Variants in CCDC175 observed in about 807,000 individuals in gnomAD.
CCDC175 encodes the protein coiled-coil domain containing 175.
CCDC175 carries 100 observed loss-of-function variants against 114.6 expected under a neutral mutation model. The ratio of observed to expected loss-of-function variants is 0.87; its 90% CI spans 0.74 to 1.03. The LOEUF is 1.03. Ranked by LOEUF, CCDC175 falls within the 50% of genes least tolerant of loss-of-function variation. The pLI is 0.00. For missense variants in CCDC175, 880 were observed against 917.8 expected, an observed-to-expected ratio of 0.96 and a Z score of 0.53; for synonymous variants, 306 against 308.7, an observed-to-expected ratio of 0.99 and a Z score of 0.09.
chr14:59,565,045 AC>A lies in CCDC175; in HGVS notation c.720+1del. On this transcript the variant is annotated splice_donor_variant, in intron 5 of 19. Coordinates refer to ENST00000537690, the MANE Select transcript of CCDC175 (RefSeq NM_001164399.2). LOFTEE classifies it high-confidence loss of function. ...TTTTAAAGAATAAATCATGCCACTT[AC>A]CTGTGCAGTCAACTCTTGTTTTCTT... is the stretch of plus-strand genomic sequence containing the variant. 1.3e-6 allele frequency: 2 copies of A among 1,502,342 alleles called. No individual in the cohort carries two copies. Among genetic ancestry groups the A allele is most frequent in the Non-Finnish European group, 1.8e-6 (2 of 1,117,812 alleles). 93.1% of individuals were successfully genotyped at this position (1,502,342 alleles called of 1,614,324 possible).
chr14:59,517,852 C>T (rs112827366), intron 17 of CCDC175, among the ~76,000 whole-genome samples: 39 of 152,028 alleles, frequency 2.6e-4, no homozygotes, highest in South Asian at 1.9e-3. Context: ...AAAAAGAGCC[C>T]GCATCGCCAA....
intron 6 of CCDC175, 37 bp downstream of exon 6, chr14:59,563,700 T>A: frequency 8.0e-7 from 1 of 1,253,922 alleles, no homozygotes; most frequent in Non-Finnish European, 1.0e-6. Flanking sequence ...GGTGCCTAGA[T>A]AAGGCTTAAA....
intron 17 of CCDC175, among the ~76,000 whole-genome samples, chr14:59,521,358 A>G (rs1466001750): frequency 6.6e-6 from 1 of 152,180 alleles, no homozygotes; most frequent in African/African-American, 2.4e-5. Flanking sequence ...TGAAGGCTGC[A>G]CTGTTGGCTT....
At chr14:59,560,913 A>C (rs916098383) in intron 7 of CCDC175, among the ~76,000 whole-genome samples, 2 of 152,130 alleles carry the variant, frequency 1.3e-5, no homozygotes, top group Non-Finnish European at 2.9e-5. Flanking sequence ...CAGCATCTTT[A>C]ATTTTTTCTC....
intron 7 of CCDC175, among the ~76,000 whole-genome samples, chr14:59,553,375 G>A (rs954602125): frequency 4.3e-4 from 65 of 152,294 alleles, no homozygotes; most frequent in Admixed American, 2.6e-3. Context: ...AGCTTCATAA[G>A]TGAAGGAGAA....
rs537440636 is a variant in CCDC175 at position 59,532,742 on chromosome 14, C to T, written c.1624-832G>A. Among the ~76,000 whole-genome samples the T allele has an allele frequency of 4.6e-5, 7 of 152,278 alleles. No individual in the cohort carries two copies. In the South Asian group the frequency reaches 6.2e-4, roughly 14 times the overall value. On this transcript the variant is annotated intron_variant, in intron 13 of 19. Transcript: ENST00000537690. ...AATGAGAATGGAAGCTACTCCTTGA[C>T]GCACAGATGTTAGGCTCATGCTGAG...
At chr14:59,550,276 C>A (rs1895387656) in intron 8 of CCDC175, among the ~76,000 whole-genome samples, 1 of 152,032 alleles carries the variant, frequency 6.6e-6, no homozygotes, top group African/African-American at 2.4e-5. Flanking sequence ...CTTATTTAAC[C>A]AAGGCCTTTT....
intron 11 of CCDC175, among the ~76,000 whole-genome samples, chr14:59,539,905 C>CAAAT (rs1175726865): frequency 1.3e-5 from 2 of 151,760 alleles, no homozygotes; most frequent in Non-Finnish European, 2.9e-5. Flanking sequence ...GTCTCAAAAA[C>CAAAT]AAACAAACAA....
At chr14:59,537,235 G>C (rs774919055) in intron 13 of CCDC175, among the ~76,000 whole-genome samples, 1 of 152,124 alleles carries the variant, frequency 6.6e-6, no homozygotes, top group African/African-American at 2.4e-5. Flanking sequence ...TTAATAGAAA[G>C]AACTGGCTGT....
In CCDC175 at chr14:59,538,117, G is replaced by A. The variant is rs761419127; in HGVS notation, c.1529C>T (p.Ala510Val). The A allele has an allele frequency of 6.5e-6, 10 of 1,533,852 alleles. No individual in the cohort carries two copies. The South Asian group carries it at 1.2e-4, about 18-fold the overall frequency. The change falls in exon 13 of 20, where the codon GCA (alanine) becomes GTA (valine). Residue 510 changes from alanine (A) to valine (V), a missense_variant. Coordinates refer to ENST00000537690, the MANE Select transcript of CCDC175 (RefSeq NM_001164399.2). ...FRQQEISGFV[A>V]QIEKLTTELK... ...TTCTGTTGTAAGTTTTTCAATCTGT[G>A]CCACAAATCCACTGATCTCCTGTTG...
intron 13 of CCDC175, among the ~76,000 whole-genome samples, chr14:59,532,623 T>C (rs754508572): frequency 1.3e-5 from 2 of 152,202 alleles, no homozygotes; most frequent in Non-Finnish European, 2.9e-5. Flanking sequence ...AGTTTGTGCA[T>C]GGAAGTCATG....
chr14:59,539,520 C>A (rs1357489086), intron 11 of CCDC175, among the ~76,000 whole-genome samples: 2 of 151,800 alleles, frequency 1.3e-5, no homozygotes, highest in South Asian at 2.1e-4. Flanking sequence ...GTGGGGGTTG[C>A]GGTGAGCTGA....
chr14:59,543,062 A>G (rs992840037), intron 10 of CCDC175, among the ~76,000 whole-genome samples: 8 of 152,156 alleles, frequency 5.3e-5, no homozygotes, highest in Non-Finnish European at 1.2e-4. Context: ...AATGAACATC[A>G]ATGGGACTCA....
At chr14:59,537,613 C>A (rs1390511617) in intron 13 of CCDC175, among the ~76,000 whole-genome samples, 1 of 152,074 alleles carries the variant, frequency 6.6e-6, no homozygotes, top group Non-Finnish European at 1.5e-5. Flanking sequence ...CCTCCCCCAG[C>A]ATCCATGCCC....
At chr14:59,561,335 T>C (rs1485921968) in intron 6 of CCDC175, 107 bp from the exon 7 acceptor site, 3 of 548,026 alleles carry the variant, frequency 5.5e-6, no homozygotes, top group African/African-American at 1.9e-5. Flanking sequence ...ACTTTTACAT[T>C]AGGAGTGTAC....
At chr14:59,552,435 C>G (rs1895577163) in intron 7 of CCDC175, among the ~76,000 whole-genome samples, 1 of 152,234 alleles carries the variant, frequency 6.6e-6, no homozygotes, top group East Asian at 1.9e-4. Context: ...AACTAAAAAA[C>G]AGAAAGGACA....
At chr14:59,525,249 C>G in intron 16 of CCDC175, 33 bp downstream of exon 16, 1 of 1,370,760 alleles carries the variant, frequency 7.3e-7, no homozygotes, top group Non-Finnish European at 9.5e-7. Context: ...TTAATCAAAG[C>G]CATCATGAAA....
At chr14:59,518,428 A>G (rs988426190) in intron 17 of CCDC175, among the ~76,000 whole-genome samples, 4 of 152,198 alleles carry the variant, frequency 2.6e-5, no homozygotes, top group African/African-American at 9.6e-5. Flanking sequence ...CTCATCTGAC[A>G]AAGGGCTAAT....
intron 17 of CCDC175, among the ~76,000 whole-genome samples, chr14:59,518,405 T>A (rs1342565769): frequency 1.3e-5 from 2 of 151,784 alleles, no homozygotes; most frequent in South Asian, 2.1e-4. Flanking sequence ...TGGGAGAAAA[T>A]TTTTGCAATC....
Sources: gnomAD v4.1 joint callset for allele counts (sites outside exome capture counted in the v4.1 genomes callset) on GRCh38, gnomAD v4.1.1 for gene constraint, MANE v1.5 for transcripts, NCBI Gene and HGNC (gene_info 2026-07-23, HGNC 2026-07-21) for gene names.